Variants in LRP1 observed in about 807,000 individuals in gnomAD.
The protein encoded by LRP1 is prolow-density lipoprotein receptor-related protein 1.
LRP1 carries 51 observed loss-of-function variants against 541.5 expected under a neutral mutation model. The observed-to-expected ratio is 0.09, with a 90% confidence interval of 0.08 to 0.12. LRP1 has a LOEUF of 0.12. Among genes scored for constraint, LRP1 ranks in the 10% least tolerant of loss-of-function variants. The probability of loss-of-function intolerance (pLI) is 1.00; values close to 1 mark genes in which losing one functional copy is unlikely to be tolerated. For synonymous variants in LRP1, 2,219 were observed against 2,470.8 expected (o/e 0.90, Z 3.02); for missense variants, 3,878 against 6,376.2 (o/e 0.61, Z 13.34).
Position 57,178,506 on chromosome 12 carries a change from G to A in LRP1, c.4509G>A (p.Lys1503=). ...WTDWRTNTLA[K]ANKWTGHNVT... is the part of the protein sequence containing the mutation. The stretch of plus-strand genomic sequence containing the variant: ...ACTGGCGAACAAACACACTGGCTAA[G>A]GCCAACAAGTGGACCGGCCACAATG... The change falls in exon 27 of 89, where the codon AAG becomes AAA. Residue 1503 remains lysine, a synonymous_variant. Transcript: ENST00000243077. The surrounding 1 kb of genome is among the most constrained non-coding windows in gnomAD (Gnocchi z 5.8). 6.2e-7 allele frequency: 1 copy of A among 1,614,240 alleles called. No individual in the cohort carries two copies. The highest frequency in any genetic ancestry group is 8.5e-7 in the Non-Finnish European group (1 of 1,180,036).
chr12:57,157,008 G>T, intron 10 of LRP1, 88 bp downstream of exon 10: 1 of 1,412,366 alleles, frequency 7.1e-7, no homozygotes, highest in Non-Finnish European at 9.4e-7. Flanking sequence ...GCCTCTGTCT[G>T]ACATGCAGGG....
At position 57,193,670 on chromosome 12, in the gene LRP1, G is replaced by A. The variant is rs1243007975; in HGVS notation, c.7789G>A (p.Glu2597Lys). 5 of 1,614,160 alleles carry A rather than the reference G, an allele frequency of 3.1e-6. No homozygotes were observed. The highest frequency in any genetic ancestry group is 1.7e-5 in the Admixed American group (1 of 60,024). ...GADDCGDGSD[E>K]IPCNKTACGV... is the part of the protein sequence containing the mutation. ...CGACGACTGTGGGGATGGCTCTGAC[G>A]AGATCCCTTGCAACAGTGAGTGAGG... The change falls in exon 47 of 89, where the codon GAG becomes AAG. Residue 2597 changes from glutamate to lysine, a missense_variant. Physicochemically the swap from Glu to Lys is moderately conservative, Grantham distance 56 (BLOSUM62 1). This residue lies in a region of LRP1 where 1,100 missense variants were observed against 1,827.4 expected (regional missense o/e 0.60). Coordinates refer to ENST00000243077, the MANE Select transcript of LRP1 (RefSeq NM_002332.3).
intron 1 of LRP1, among the ~76,000 whole-genome samples, chr12:57,136,950 G>C (rs2035182922): frequency 6.6e-6 from 1 of 152,180 alleles, no homozygotes; most frequent in Admixed American, 6.5e-5. Flanking sequence ...CACAATAAGA[G>C]TTAGTTGTCA....
rs540740498 is a variant in LRP1 at position 57,208,916 on chromosome 12, G to C, written c.12145+99G>C. On this transcript the variant is annotated intron_variant, in intron 78 of 88. Transcript: ENST00000243077. ...CACACAAAAGCAAGGGATGGGATGG[G>C]GCTTGGACTGGGGCAGGGCAGATTG... The C allele has an allele frequency of 1.3e-5, 15 of 1,165,084 alleles. No individual in the cohort carries two copies. In the Admixed American group the frequency reaches 2.3e-4, roughly 18 times the overall value. 72.2% of individuals were successfully genotyped at this position (1,165,084 alleles called of 1,614,324 possible). A position where few individuals can be genotyped will look rare whatever the true frequency, so the allele number is the denominator to read the frequency against.
chr12:57,162,999 C>T lies in LRP1; in HGVS notation c.2530+16C>T, dbSNP rs755187172. 3 of 1,592,174 alleles carry T rather than the reference C, an allele frequency of 1.9e-6. No individual in the cohort carries two copies. Among genetic ancestry groups the T allele is most frequent in the South Asian group, 2.3e-5 (2 of 88,530 alleles). ...ACTTGCTTGGGTATGAGGTGCCTGG[C>T]TGGGTGGGAGTGGGAAGCAGACCCC... On this transcript the variant is annotated intron_variant, in intron 15 of 88. Coordinates refer to ENST00000243077, the MANE Select transcript of LRP1 (RefSeq NM_002332.3). This position sits in a 1 kb window ranked among gnomAD's most constrained non-coding sequence, Gnocchi z 5.2.
At chr12:57,132,863 G>A (rs4759276) in intron 1 of LRP1, among the ~76,000 whole-genome samples, 62,592 of 151,600 alleles carry the variant, frequency 0.41, 13,301 homozygotes, top group African/African-American at 0.49. Flanking sequence ...CTCACCCCCT[G>A]GCTCCCTCCC....
chr12:57,163,442 G>A (rs1323791791), intron 15 of LRP1, among the ~76,000 whole-genome samples: 1 of 152,054 alleles, frequency 6.6e-6, no homozygotes, highest in Non-Finnish European at 1.5e-5. Flanking sequence ...AGCCAAGCGT[G>A]GTGGCAGGTG....
rs1483024154 is a variant in LRP1 at position 57,162,149 on chromosome 12, C to T, written c.2203-168C>T. On this transcript the variant is annotated intron_variant, in intron 13 of 88. Coordinates refer to ENST00000243077, the MANE Select transcript of LRP1 (RefSeq NM_002332.3). The surrounding 1 kb of genome is among the most constrained non-coding windows in gnomAD (Gnocchi z 5.2). The stretch of plus-strand genomic sequence containing the variant: ...GATCACCCGCTGGCTTCAGGATCTA[C>T]CATCCCACTGTGTGCAAAACTATCA... Among the ~76,000 whole-genome samples, 8 of 152,156 alleles carry T rather than the reference C, an allele frequency of 5.3e-5. No homozygotes were observed. Among genetic ancestry groups the T allele is most frequent in the Admixed American group, 5.2e-4 (8 of 15,278 alleles).
In LRP1 at chr12:57,154,131, G is replaced by A. The variant is rs1033746349; in HGVS notation, c.842-77G>A. The A allele has an allele frequency of 1.4e-6, 2 of 1,425,546 alleles. No homozygotes were observed. The highest frequency in any genetic ancestry group is 1.9e-6 in the Non-Finnish European group (2 of 1,026,414). The allele number at this position is 1,425,546 out of a possible 1,614,324, so 88.3% of individuals were successfully genotyped here. A position where few individuals can be genotyped will look rare whatever the true frequency, so the allele number is the denominator to read the frequency against. ...AGAGAAGGTGGGCTTCCAGGTGTGG[G>A]TTCTCACCAGCAAAGGGTGGGCATC... On this transcript the variant is annotated intron_variant, in intron 6 of 88. Coordinates refer to ENST00000243077, the MANE Select transcript of LRP1 (RefSeq NM_002332.3). The surrounding 1 kb of genome is among the most constrained non-coding windows in gnomAD (Gnocchi z 4.6).
At chr12:57,149,923 T>C (rs1358009101) in intron 6 of LRP1, 1 of 610,188 alleles carries the variant, frequency 1.6e-6, no homozygotes. Context: ...CTAGACAGAC[T>C]GTCCTCTCCC....
intron 22 of LRP1, among the ~76,000 whole-genome samples, chr12:57,174,708 T>C (rs2036009483): frequency 6.6e-6 from 1 of 152,100 alleles, no homozygotes; most frequent in Non-Finnish European, 1.5e-5. Flanking sequence ...GAGGTTGCAG[T>C]GAGCCAACAT....
rs745414435 is a variant in LRP1, at chr12:57,183,884, G to C, written c.5904G>C (p.Glu1968Asp). The change falls in exon 36 of 89, where the codon GAG becomes GAC. Residue 1968 changes from glutamate to aspartate, a missense_variant. Physicochemically the swap from Glu to Asp is conservative, Grantham distance 45. Coordinates refer to ENST00000243077, the MANE Select transcript of LRP1 (RefSeq NM_002332.3). The surrounding 1 kb of genome is among the most constrained non-coding windows in gnomAD (Gnocchi z 6.1). ...DVVTNGIGRV[E>D]GIAVDWIAGN... The stretch of plus-strand genomic sequence containing the variant: ...TGACCAATGGCATTGGCCGTGTGGA[G>C]GGCATTGCAGTGGACTGGATCGCAG... The C allele has an allele frequency of 6.2e-7, 1 of 1,614,090 alleles. No individual in the cohort carries two copies. The highest frequency in any genetic ancestry group is 8.5e-7 in the Non-Finnish European group (1 of 1,180,062).
At position 57,199,950 on chromosome 12, in the gene LRP1, C is replaced by A. The variant is rs931351039; in HGVS notation, c.9939C>A (p.His3313Gln). ...GCCTGCTGTCCCCCGGGGGAGGGCA[C>A]AAATGTGCCTGCCCCACCAACTTCT... ...NLCLLSPGGG[H>Q]KCACPTNFYL... Residue 3313 changes from histidine (H) to glutamine (Q), a missense_variant, in exon 62 of 89, where the codon CAC (histidine) becomes CAA (glutamine). Physicochemically the swap from His to Gln is conservative, Grantham distance 24. Coordinates refer to ENST00000243077, the MANE Select transcript of LRP1 (RefSeq NM_002332.3). 7.5e-6 allele frequency: 12 copies of A among 1,592,412 alleles called. No homozygotes were observed. Among genetic ancestry groups the A allele is most frequent in the Admixed American group, 1.9e-5 (1 of 53,750 alleles).
intron 20 of LRP1, among the ~76,000 whole-genome samples, chr12:57,171,531 A>G (rs1303453990): frequency 6.6e-6 from 1 of 152,190 alleles, no homozygotes; most frequent in Non-Finnish European, 1.5e-5. Context: ...AGATGATGAC[A>G]GCAGGTGTAA....
intron 42 of LRP1, 47 bp downstream of exon 42, chr12:57,187,503 G>A (rs776204324): frequency 2.3e-5 from 36 of 1,572,808 alleles, no homozygotes; most frequent in East Asian, 4.5e-5. Context: ...GGTGGGACTC[G>A]GGGTGGCAGA....
rs972839914 is a variant in LRP1, at chr12:57,206,504, T to G, written c.11622T>G (p.Asp3874Glu). 12 of 1,614,136 alleles carry G rather than the reference T, an allele frequency of 7.4e-6. No individual in the cohort carries two copies. The highest frequency in any genetic ancestry group is 8.5e-6 in the Non-Finnish European group (10 of 1,180,028). The change falls in exon 76 of 89, where the codon GAT becomes GAG. Residue 3874 changes from aspartate (D) to glutamate (E), a missense_variant. Physicochemically the swap from Asp to Glu is conservative, Grantham distance 45. Around this residue, in one of 13 missense-constraint regions of LRP1, gnomAD observed 871 missense variants for 1,212.4 expected, o/e 0.72. Transcript: ENST00000243077. The surrounding 1 kb of genome is among the most constrained non-coding windows in gnomAD (Gnocchi z 4.7). Reference sequence around the variant, plus strand: ...AGTACCAGGTCCTGTACATCGCTGATGACAATGAGATCCGCAGCCTGTTCC... The same window carrying G: ...AGTACCAGGTCCTGTACATCGCTGAGGACAATGAGATCCGCAGCCTGTTCC... ...GSEYQVLYIA[D>E]DNEIRSLFPG...
chr12:57,141,864 A>G (rs1240266528), intron 3 of LRP1, among the ~76,000 whole-genome samples: 2 of 152,250 alleles, frequency 1.3e-5, no homozygotes, highest in Non-Finnish European at 2.9e-5. Context: ...GGTTTTCTGC[A>G]TGAAACCTGA....
Position 57,183,941 on chromosome 12 carries a change from G to T in LRP1, c.5929+32G>T. The stretch of plus-strand genomic sequence containing the variant: ...AGTGGGCAGGTTTGTGGGGCTTGGG[G>T]TGTGGCAGAGGACTGGGGGACGAAG... On this transcript the variant is annotated intron_variant, in intron 36 of 88. Coordinates refer to ENST00000243077, the MANE Select transcript of LRP1 (RefSeq NM_002332.3). This position sits in a 1 kb window ranked among gnomAD's most constrained non-coding sequence, Gnocchi z 6.1. The T allele has an allele frequency of 6.2e-7, 1 of 1,613,562 alleles. No individual in the cohort carries two copies. Among genetic ancestry groups the T allele is most frequent in the Non-Finnish European group, 8.5e-7 (1 of 1,179,718 alleles).
chr12:57,179,827 A>T lies in LRP1; in HGVS notation c.5012A>T (p.Asn1671Ile). 6.2e-7 allele frequency: 1 copy of T among 1,614,034 alleles called. No individual in the cohort carries two copies. The highest frequency in any genetic ancestry group is 1.6e-4 in the Middle Eastern group (1 of 6,062). Reference sequence around the variant, plus strand: ...CTGGCTGTGGACTGGGTCTCCCGAAACCTGTTCTGGACAAGCTATGACACC... The same window carrying T: ...CTGGCTGTGGACTGGGTCTCCCGAATCCTGTTCTGGACAAGCTATGACACC... ...HGLAVDWVSR[N>I]LFWTSYDTNK... is the part of the protein sequence containing the mutation. Residue 1671 changes from asparagine to isoleucine, a missense_variant, in exon 30 of 89, where the codon AAC becomes ATC. By Grantham distance (149) the Asn-to-Ile change is moderately radical. Transcript: ENST00000243077. This position sits in a 1 kb window ranked among gnomAD's most constrained non-coding sequence, Gnocchi z 6.8.
Sources: gnomAD v4.1 joint callset for allele counts (sites outside exome capture counted in the v4.1 genomes callset) on GRCh38, gnomAD v4.1.1 for gene constraint, gnomAD v4.1.1 regional missense constraint, Gnocchi (gnomAD v3.1) non-coding constraint, MANE v1.5 for transcripts, NCBI Gene and HGNC (gene_info 2026-07-23, HGNC 2026-07-21) for gene names.